B3GALT1: variants seen among roughly 807,000 people sequenced by gnomAD.
The protein encoded by B3GALT1 is beta-1,3-galactosyltransferase 1.
Under a neutral mutation model 23.2 loss-of-function variants are expected in B3GALT1, and 10 were observed. The observed-to-expected ratio is 0.43, with a 90% CI of 0.27 to 0.73. The LOEUF is 0.73. Ranked by LOEUF, B3GALT1 falls within the 30% of genes least tolerant of loss-of-function variation. B3GALT1 has a pLI of 0.21. For missense variants in B3GALT1, 299 were observed against 405.4 expected, an observed-to-expected ratio of 0.74 and a Z score of 2.25; for synonymous variants, 156 against 141.5, an observed-to-expected ratio of 1.10 and a Z score of -0.73.
intron 3 of B3GALT1, among the ~76,000 whole-genome samples, chr2:167,761,716 A>G (rs1161555222): frequency 6.6e-6 from 1 of 152,198 alleles, no homozygotes; most frequent in Non-Finnish European, 1.5e-5. Flanking sequence ...AGTCTTTCCA[A>G]AGCTGTGAAG....
At chr2:167,760,897 G>T (rs1687889832) in intron 3 of B3GALT1, among the ~76,000 whole-genome samples, 1 of 152,190 alleles carries the variant, frequency 6.6e-6, no homozygotes, top group Non-Finnish European at 1.5e-5. Context: ...ATTCATCAAA[G>T]AGTTTATAAC....
At chr2:167,682,615 G>A (rs1215481894) in intron 3 of B3GALT1, among the ~76,000 whole-genome samples, 1 of 152,158 alleles carries the variant, frequency 6.6e-6, no homozygotes, top group East Asian at 1.9e-4. Flanking sequence ...AAGCCGTCCC[G>A]AGATTCTGAT....
intron 3 of B3GALT1, among the ~76,000 whole-genome samples, chr2:167,660,351 T>C (rs895747903): frequency 6.6e-6 from 1 of 152,114 alleles, no homozygotes; most frequent in Admixed American, 6.6e-5. Context: ...TAGCCTGTGC[T>C]TTAAGGGTCT....
intron 1 of B3GALT1, among the ~76,000 whole-genome samples, chr2:167,451,233 T>C (rs1183015883): frequency 1.3e-5 from 2 of 152,110 alleles, no homozygotes; most frequent in African/African-American, 4.8e-5. Flanking sequence ...CCATTGCTGG[T>C]GAGCTAGTGT....
chr2:167,446,696 A>T (rs1290315169), intron 1 of B3GALT1, among the ~76,000 whole-genome samples: 2 of 152,096 alleles, frequency 1.3e-5, no homozygotes, highest in Non-Finnish European at 2.9e-5. Context: ...TTCTCGTTCC[A>T]TGGTTTTCAG....
At chr2:167,426,066 A>C (rs751186059) in intron 1 of B3GALT1, among the ~76,000 whole-genome samples, 4 of 152,160 alleles carry the variant, frequency 2.6e-5, no homozygotes, top group African/African-American at 9.7e-5. Flanking sequence ...AATATCCTCC[A>C]TATACAATGC....
chr2:167,294,211 G>T (rs575726657), intron 1 of B3GALT1, among the ~76,000 whole-genome samples: 1 of 152,298 alleles, frequency 6.6e-6, no homozygotes, highest in East Asian at 1.9e-4. Flanking sequence ...GACCTCCCAG[G>T]TTGAGACCCG....
intron 2 of B3GALT1, among the ~76,000 whole-genome samples, chr2:167,515,038 T>C (rs902581995): frequency 1.3e-5 from 2 of 152,164 alleles, no homozygotes; most frequent in African/African-American, 4.8e-5. Context: ...AAAAATTGAG[T>C]ATAAATATTT....
intron 2 of B3GALT1, among the ~76,000 whole-genome samples, chr2:167,548,108 G>A (rs1466233269): frequency 6.6e-6 from 1 of 152,102 alleles, no homozygotes; most frequent in Non-Finnish European, 1.5e-5. Context: ...AATTATAGAA[G>A]TTCAAATCAG....
chr2:167,465,965 T>A (rs1393894423), intron 1 of B3GALT1, among the ~76,000 whole-genome samples: 1 of 152,130 alleles, frequency 6.6e-6, no homozygotes, highest in African/African-American at 2.4e-5. Context: ...CTCAGTGACA[T>A]TATCTGCAGA....
chr2:167,536,418 C>T (rs995354005), intron 2 of B3GALT1, among the ~76,000 whole-genome samples: 1 of 152,070 alleles, frequency 6.6e-6, no homozygotes, highest in African/African-American at 2.4e-5. Flanking sequence ...TTGGTGGTTA[C>T]AAAAGACAAT....
chr2:167,754,298 A>C (rs1383083677), intron 3 of B3GALT1, among the ~76,000 whole-genome samples: 1 of 152,216 alleles, frequency 6.6e-6, no homozygotes, highest in Non-Finnish European at 1.5e-5. Flanking sequence ...TTCATGACTC[A>C]GAATGAGGCT....
At chr2:167,362,640 T>C (rs907552215) in intron 1 of B3GALT1, among the ~76,000 whole-genome samples, 1 of 152,108 alleles carries the variant, frequency 6.6e-6, no homozygotes, top group Non-Finnish European at 1.5e-5. Flanking sequence ...CTGGGCCTTA[T>C]TTAACTGTCT....
intron 2 of B3GALT1, among the ~76,000 whole-genome samples, chr2:167,637,414 A>G (rs543329148): frequency 1.3e-5 from 2 of 152,048 alleles, no homozygotes; most frequent in Admixed American, 6.6e-5. Flanking sequence ...CACATATGAT[A>G]TTTTGTTACA....
chr2:167,676,622 C>T lies in B3GALT1; in HGVS notation c.-352+29656C>T, dbSNP rs767207851. Among the ~76,000 whole-genome samples the T allele has an allele frequency of 5.9e-5, 9 of 151,956 alleles. No homozygotes were observed. In the South Asian group the frequency reaches 8.3e-4, roughly 14 times the overall value. ...TCTTGCCCAGGCTGGGGTGCAGTGG[C>T]GCAATCTCAGCTCACTGCAACCTCT... On this transcript the variant is annotated intron_variant, in intron 3 of 4. Coordinates refer to ENST00000392690, the MANE Select transcript of B3GALT1 (RefSeq NM_020981.4).
intron 2 of B3GALT1, among the ~76,000 whole-genome samples, chr2:167,576,636 AAGAT>A (rs1392330236): frequency 1.3e-5 from 2 of 150,708 alleles, no homozygotes; most frequent in Admixed American, 6.6e-5. Context: ...TGACATACAT[AAGAT>A]AGATAGTCAC....
intron 2 of B3GALT1, among the ~76,000 whole-genome samples, chr2:167,579,154 G>T (rs1385968133): frequency 2.6e-5 from 4 of 151,964 alleles, no homozygotes; most frequent in Non-Finnish European, 4.4e-5. Flanking sequence ...AATTTAGTTT[G>T]CAGCTTGATT....
intron 1 of B3GALT1, among the ~76,000 whole-genome samples, chr2:167,394,699 A>G (rs1427093702): frequency 6.6e-6 from 1 of 152,196 alleles, no homozygotes; most frequent in African/African-American, 2.4e-5. Context: ...CACTCCACTC[A>G]ATGCTCCCAA....
intron 3 of B3GALT1, among the ~76,000 whole-genome samples, chr2:167,648,693 T>C (rs1279702448): frequency 6.6e-6 from 1 of 152,140 alleles, no homozygotes; most frequent in East Asian, 1.9e-4. Context: ...GCCACATAAA[T>C]GCCTTTAATT....
Sources: allele counts gnomAD v4.1 joint callset (sites outside exome capture counted in the v4.1 genomes callset), GRCh38; gene constraint gnomAD v4.1.1; transcripts MANE v1.5; gene names NCBI Gene and HGNC (gene_info 2026-07-23, HGNC 2026-07-21).